Variants in CAPZA1 observed in about 807,000 individuals in gnomAD.
The protein encoded by CAPZA1 is F-actin-capping protein subunit alpha-1.
In CAPZA1, 10 loss-of-function variants were observed where a neutral mutation model predicts 40.8. The observed-to-expected ratio is 0.25, with a 90% CI of 0.15 to 0.42. The LOEUF (loss-of-function observed/expected upper bound fraction) is 0.42. CAPZA1 is among the 10% of genes least tolerant of loss of function. The pLI, the probability that CAPZA1 is intolerant of heterozygous loss-of-function variation, is 1.00. For missense variants in CAPZA1, 277 were observed against 353.8 expected, an observed-to-expected ratio of 0.78 and a Z score of 1.74; for synonymous variants, 98 against 115.0, an observed-to-expected ratio of 0.85 and a Z score of 0.95.
intron 1 of CAPZA1, among the ~76,000 whole-genome samples, chr1:112,631,305 A>G (rs1670911899): frequency 6.6e-6 from 1 of 152,236 alleles, no homozygotes; most frequent in Admixed American, 6.5e-5. Flanking sequence ...AACATAACTC[A>G]GAATTCAGTG....
intron 1 of CAPZA1, among the ~76,000 whole-genome samples, chr1:112,643,022 G>T (rs986670720): frequency 6.6e-6 from 1 of 152,024 alleles, no homozygotes; most frequent in African/African-American, 2.4e-5. Flanking sequence ...ATTATGTAAA[G>T]ATTACGGGAA....
intron 3 of CAPZA1, among the ~76,000 whole-genome samples, chr1:112,651,678 T>A (rs1671388329): frequency 2.8e-5 from 4 of 142,258 alleles, no homozygotes; most frequent in Admixed American, 2.2e-4. Flanking sequence ...TATACTAGAA[T>A]AAAATATTTA....
chr1:112,663,807 A>G (rs2101188087), intron 7 of CAPZA1, among the ~76,000 whole-genome samples: 1 of 152,202 alleles, frequency 6.6e-6, no homozygotes, highest in African/African-American at 2.4e-5. Context: ...GCCTGTTCTC[A>G]GTAGATTCTT....
intron 7 of CAPZA1, 87 bp downstream of exon 7, chr1:112,659,866 T>C: frequency 1.1e-6 from 1 of 944,114 alleles, no homozygotes; most frequent in Non-Finnish European, 1.7e-6. Flanking sequence ...GGACCAAGTA[T>C]GTGTAGATGC....
intron 1 of CAPZA1, among the ~76,000 whole-genome samples, chr1:112,627,921 T>C (rs931264912): frequency 6.6e-6 from 1 of 151,990 alleles, no homozygotes; most frequent in Non-Finnish European, 1.5e-5. Flanking sequence ...GATTGCGCCA[T>C]TGCACTCCAG....
intron 7 of CAPZA1, among the ~76,000 whole-genome samples, chr1:112,663,923 A>C (rs1671668323): frequency 6.6e-6 from 1 of 152,132 alleles, no homozygotes; most frequent in South Asian, 2.1e-4. Flanking sequence ...GGATAGAGCC[A>C]GCTGTTTGTC....
intron 2 of CAPZA1, among the ~76,000 whole-genome samples, chr1:112,647,739 T>C (rs1369319808): frequency 6.6e-6 from 1 of 152,208 alleles, no homozygotes. Flanking sequence ...AGATTCACAT[T>C]CATTAGATCT....
intron 1 of CAPZA1, among the ~76,000 whole-genome samples, chr1:112,623,283 G>A (rs1450250596): frequency 6.6e-6 from 1 of 152,206 alleles, no homozygotes; most frequent in African/African-American, 2.4e-5. Flanking sequence ...ATTGTTTGGT[G>A]TGGCTGTTTT....
chr1:112,666,411 C>A (rs1671725468), intron 7 of CAPZA1, among the ~76,000 whole-genome samples: 1 of 152,190 alleles, frequency 6.6e-6, no homozygotes. Context: ...GGTGACTAAA[C>A]CTATCTTAAG....
intron 1 of CAPZA1, among the ~76,000 whole-genome samples, chr1:112,621,694 A>ATGCCAATT (rs1281689969): frequency 6.6e-6 from 1 of 151,606 alleles, no homozygotes; most frequent in Admixed American, 6.6e-5. Context: ...ATATTTTAAA[A>ATGCCAATT]TGCCAATTAA....
intron 1 of CAPZA1, among the ~76,000 whole-genome samples, chr1:112,642,021 G>C (rs1671178212): frequency 6.6e-6 from 1 of 151,070 alleles, no homozygotes; most frequent in African/African-American, 2.4e-5. Context: ...ACAGGAATTA[G>C]TGTGACAAGT....
rs58051216 is a variant in CAPZA1, at chr1:112,670,362, CTTTTT to C, written c.*245_*249del. On this transcript the variant is annotated 3_prime_UTR_variant, in exon 10 of 10. Coordinates refer to ENST00000263168, the MANE Select transcript of CAPZA1 (RefSeq NM_006135.3). ...TATATCTACGTGTAAATCTTTTTTT[CTTTTT>C]TTTTTTTTTTTTTTGGTTAATTCTG... 28 of 150,202 alleles carry C rather than the reference CTTTTT, an allele frequency of 1.9e-4. No individual in the cohort carries two copies. The highest frequency in any genetic ancestry group is 2.2e-4 in the Non-Finnish European group (18 of 83,062). 9.3% of individuals were successfully genotyped at this position (150,202 alleles called of 1,614,324 possible). A position where few individuals can be genotyped will look rare whatever the true frequency, so the allele number is the denominator to read the frequency against.
At chr1:112,653,683 G>T in intron 4 of CAPZA1, 22 bp downstream of exon 4, 1 of 1,482,838 alleles carries the variant, frequency 6.7e-7, no homozygotes, top group Non-Finnish European at 9.3e-7. Flanking sequence ...CTTTTAGACA[G>T]GCTATGCCTG....
intron 6 of CAPZA1, 173 bp downstream of exon 6, chr1:112,659,274 T>TTTAAAAG: frequency 1.7e-6 from 1 of 586,138 alleles, no homozygotes; most frequent in South Asian, 2.2e-5. Context: ...TATATTTTCC[T>TTTAAAAG]TTAAAAGTTA....
chr1:112,642,929 C>T (rs1422911563), intron 1 of CAPZA1, among the ~76,000 whole-genome samples: 4 of 151,882 alleles, frequency 2.6e-5, no homozygotes, highest in African/African-American at 9.7e-5. Context: ...TTTTTCCTTG[C>T]AGGGAAGTTA....
intron 1 of CAPZA1, among the ~76,000 whole-genome samples, chr1:112,631,197 A>T (rs1438234999): frequency 6.6e-6 from 1 of 152,216 alleles, no homozygotes; most frequent in African/African-American, 2.4e-5. Flanking sequence ...TATCTTTAGT[A>T]TTCACCTCAG....
chr1:112,625,103 T>C (rs1670780023), intron 1 of CAPZA1, among the ~76,000 whole-genome samples: 1 of 152,196 alleles, frequency 6.6e-6, no homozygotes, highest in African/African-American at 2.4e-5. Context: ...CCTACAATTA[T>C]TTCTGTTAGT....
intron 3 of CAPZA1, among the ~76,000 whole-genome samples, chr1:112,650,180 G>C (rs1217358510): frequency 6.6e-6 from 1 of 152,134 alleles, no homozygotes; most frequent in African/African-American, 2.4e-5. Context: ...GGGATGGGGA[G>C]ACAGGACAAG....
chr1:112,620,447 A>G (rs1670596960), intron 1 of CAPZA1: 1 of 152,402 alleles, frequency 6.6e-6, no homozygotes, highest in African/African-American at 2.4e-5. Flanking sequence ...TTTCTCCTGT[A>G]CTGTCGCCTG....
Sources: gnomAD v4.1 joint callset for allele counts (sites outside exome capture counted in the v4.1 genomes callset) on GRCh38, gnomAD v4.1.1 for gene constraint, MANE v1.5 for transcripts, NCBI Gene and HGNC (gene_info 2026-07-23, HGNC 2026-07-21) for gene names.